The following OSBPL8 variants were observed in gnomAD, a reference collection of about 807,000 sequenced individuals.
The protein encoded by OSBPL8 is oxysterol binding protein like 8.
In OSBPL8, 59 loss-of-function variants were observed where a neutral mutation model predicts 125.5. The observed-to-expected ratio is 0.47, with a 90% CI of 0.38 to 0.58. The LOEUF is 0.58. Ranked by LOEUF, OSBPL8 falls within the 20% of genes least tolerant of loss-of-function variation. OSBPL8 has a pLI of 0.00. For missense variants in OSBPL8, 758 were observed against 1,047.8 expected, an observed-to-expected ratio of 0.72 and a Z score of 3.82; for synonymous variants, 330 against 338.9, an observed-to-expected ratio of 0.97 and a Z score of 0.29.
At chr12:76,518,106 G>A (rs4482071) in intron 1 of OSBPL8, among the ~76,000 whole-genome samples, 76,918 of 151,990 alleles carry the variant, frequency 0.51, 21,220 homozygotes, top group African/African-American at 0.72. Context: ...TGAAAAGTCT[G>A]AAGTCTTATC....
Position 76,559,384 on chromosome 12 carries a change from G to T in OSBPL8, c.-68+13C>A, listed in dbSNP as rs1420427772. ...ACCCAGCACCCCAACCTCAGGAATGGAGCAACACTCACCCGTGCGGAGCTC... is the reference window on the plus strand; with the variant it reads ...ACCCAGCACCCCAACCTCAGGAATGTAGCAACACTCACCCGTGCGGAGCTC... On this transcript the variant is annotated intron_variant, in intron 1 of 23. Coordinates refer to ENST00000261183, the MANE Select transcript of OSBPL8 (RefSeq NM_020841.5). 2 of 152,374 alleles carry T rather than the reference G, an allele frequency of 1.3e-5. No individual in the cohort carries two copies. Among genetic ancestry groups the T allele is most frequent in the African/African-American group, 4.8e-5 (2 of 41,570 alleles). 9.4% of individuals were successfully genotyped at this position (152,374 alleles called of 1,614,324 possible).
intron 4 of OSBPL8, among the ~76,000 whole-genome samples, chr12:76,443,742 G>C (rs1175356980): frequency 6.6e-6 from 1 of 152,002 alleles, no homozygotes; most frequent in Non-Finnish European, 1.5e-5. Flanking sequence ...CCTGACCCCA[G>C]GTTATCTGCC....
intron 18 of OSBPL8, 164 bp from the exon 19 acceptor site, chr12:76,371,748 T>C (rs1025555177): frequency 6.9e-6 from 4 of 581,116 alleles, no homozygotes; most frequent in Non-Finnish European, 7.7e-6. Flanking sequence ...AAGTTTCTTA[T>C]CATTTTTATA....
intron 4 of OSBPL8, 51 bp from the exon 5 acceptor site, chr12:76,410,685 T>C: frequency 1.6e-6 from 2 of 1,246,490 alleles, no homozygotes; most frequent in East Asian, 2.3e-5. Context: ...ACATGTATAA[T>C]AAGTCATTCA....
intron 1 of OSBPL8, among the ~76,000 whole-genome samples, chr12:76,533,303 G>GA (rs58740174): frequency 6.6e-6 from 1 of 151,932 alleles, no homozygotes; most frequent in Admixed American, 6.6e-5. Context: ...ATCATAAGGA[G>GA]AAAAAAATGT....
chr12:76,543,218 ATTGAAT>A (rs1367621061), intron 1 of OSBPL8, among the ~76,000 whole-genome samples: 21 of 152,262 alleles, frequency 1.4e-4, no homozygotes, highest in Admixed American at 7.2e-4. Context: ...ACTGAAATCT[ATTGAAT>A]TAATGGTCTT....
intron 5 of OSBPL8, among the ~76,000 whole-genome samples, chr12:76,405,474 T>A (rs1433584690): frequency 6.6e-6 from 1 of 151,998 alleles, no homozygotes; most frequent in African/African-American, 2.4e-5. Context: ...AAATCAAATT[T>A]GTTTCCCTAA....
chr12:76,423,815 A>G (rs572853077), intron 4 of OSBPL8, among the ~76,000 whole-genome samples: 1 of 152,222 alleles, frequency 6.6e-6, no homozygotes, highest in Admixed American at 6.5e-5. Context: ...GCTGGACAAT[A>G]ACCATCTAGG....
At chr12:76,435,387 T>C (rs1871332012) in intron 4 of OSBPL8, among the ~76,000 whole-genome samples, 1 of 152,092 alleles carries the variant, frequency 6.6e-6, no homozygotes, top group Non-Finnish European at 1.5e-5. Flanking sequence ...TAGTGGTTGC[T>C]AGAGGTTGGG....
intron 5 of OSBPL8, among the ~76,000 whole-genome samples, chr12:76,409,487 T>G (rs998244151): frequency 6.6e-6 from 1 of 152,190 alleles, no homozygotes; most frequent in African/African-American, 2.4e-5. Context: ...AAAGCTCCTG[T>G]GTCACACAGA....
At chr12:76,526,639 T>C (rs1257657475) in intron 1 of OSBPL8, among the ~76,000 whole-genome samples, 2 of 40,450 alleles carry the variant, frequency 4.9e-5, no homozygotes, top group African/African-American at 1.1e-4. Context: ...AAATCTCTTT[T>C]TTTTTTTTTT....
At chr12:76,532,237 T>C (rs1159053666) in intron 1 of OSBPL8, among the ~76,000 whole-genome samples, 2 of 151,898 alleles carry the variant, frequency 1.3e-5, no homozygotes, top group Non-Finnish European at 2.9e-5. Flanking sequence ...CCAATTAAAC[T>C]AGGTGGTATC....
chr12:76,464,957 A>G (rs1041826842), intron 2 of OSBPL8, among the ~76,000 whole-genome samples: 1 of 152,216 alleles, frequency 6.6e-6, no homozygotes, highest in Non-Finnish European at 1.5e-5. Context: ...TAGAATAACA[A>G]ACTTCAGAGA....
At chr12:76,406,773 G>A (rs888043470) in intron 5 of OSBPL8, among the ~76,000 whole-genome samples, 2 of 152,068 alleles carry the variant, frequency 1.3e-5, no homozygotes, top group Non-Finnish European at 2.9e-5. Flanking sequence ...ATGCCACCAC[G>A]TGTGGCTAAT....
rs71445235 is a variant in OSBPL8, at chr12:76,510,881, CA to C, written c.-67-23264del. ...GGGCAACAAGAGTGAAACCCCATCT[CA>C]AAAAAAAAAAAAAAAATATATTTAC... On this transcript the variant is annotated intron_variant, in intron 1 of 23. Coordinates refer to ENST00000261183, the MANE Select transcript of OSBPL8 (RefSeq NM_020841.5). Among the ~76,000 whole-genome samples, 369 of 106,384 alleles carry C rather than the reference CA, an allele frequency of 3.5e-3. 1 individual carries two copies. Among genetic ancestry groups the C allele is most frequent in the East Asian group, 0.012 (40 of 3,450 alleles). The allele number at this position is 106,384 out of a possible 152,430, so 69.8% of individuals were successfully genotyped here. A position where few individuals can be genotyped will look rare whatever the true frequency, so the allele number is the denominator to read the frequency against.
At chr12:76,443,391 T>C (rs994461651) in intron 4 of OSBPL8, among the ~76,000 whole-genome samples, 2 of 152,190 alleles carry the variant, frequency 1.3e-5, no homozygotes, top group Admixed American at 6.5e-5. Context: ...TGTGTCATGT[T>C]TGCCTATTTG....
intron 1 of OSBPL8, among the ~76,000 whole-genome samples, chr12:76,507,330 G>A (rs1880514607): frequency 6.6e-6 from 1 of 151,622 alleles, no homozygotes; most frequent in Admixed American, 6.6e-5. Context: ...AAGGTTAATG[G>A]CTTTAATACA....
chr12:76,398,695 C>A (rs1953925492), intron 7 of OSBPL8, among the ~76,000 whole-genome samples: 2 of 152,078 alleles, frequency 1.3e-5, no homozygotes, highest in Non-Finnish European at 2.9e-5. Flanking sequence ...TTTCAATGCA[C>A]CTACATGAAG....
intron 16 of OSBPL8, among the ~76,000 whole-genome samples, chr12:76,375,710 A>C (rs1156614809): frequency 1.3e-5 from 2 of 151,544 alleles, no homozygotes; most frequent in African/African-American, 2.4e-5. Context: ...TGAGCAAGGC[A>C]AACACTCTTG....
Sources: allele counts gnomAD v4.1 joint callset (sites outside exome capture counted in the v4.1 genomes callset), GRCh38; gene constraint gnomAD v4.1.1; transcripts MANE v1.5; gene names NCBI Gene and HGNC (gene_info 2026-07-23, HGNC 2026-07-21).